The following KSR2 variants were observed in gnomAD, a reference collection of about 807,000 sequenced individuals.
KSR2 encodes the protein kinase suppressor of ras 2.
A neutral mutation model predicts 107.8 loss-of-function variants in KSR2; 25 were observed. The observed-to-expected ratio is 0.23, with a 90% confidence interval of 0.17 to 0.32. The LOEUF (loss-of-function observed/expected upper bound fraction) is 0.32, where lower values mean the gene tolerates loss of function less well. Among genes scored for constraint, KSR2 ranks in the 10% least tolerant of loss-of-function variants. The pLI is 1.00. For missense variants in KSR2, 887 were observed against 1,268.9 expected (o/e 0.70, Z 4.57); for synonymous variants, 480 against 507.0 (o/e 0.95, Z 0.71).
In KSR2 at chr12:117,548,066, C is replaced by T. The variant is rs374237768; in HGVS notation, c.1518+7103G>A. ...AAGCTGAGATTGCGCCACTGCATTC[C>T]AGCCTGGGTGACAGTGAGACTCCAT... On this transcript the variant is annotated intron_variant, in intron 9 of 19. Transcript: ENST00000339824. 2.5e-3 allele frequency among the ~76,000 whole-genome samples: 385 copies of T among 152,052 alleles called. 17 individuals carry two copies. In the South Asian group the frequency reaches 0.078, roughly 31 times the overall value.
chr12:117,661,057 A>C (rs368531390), intron 5 of KSR2, among the ~76,000 whole-genome samples: 2 of 152,240 alleles, frequency 1.3e-5, no homozygotes, highest in Admixed American at 6.5e-5. Flanking sequence ...AACGCCACTT[A>C]ATGTAGGCAT....
chr12:117,497,133 C>A (rs1259947291), intron 14 of KSR2, among the ~76,000 whole-genome samples: 6 of 151,988 alleles, frequency 3.9e-5, no homozygotes, highest in African/African-American at 1.4e-4. Flanking sequence ...CTGCCTTGGC[C>A]TCCTGAAGTG....
chr12:117,711,005 G>C (rs1160605471), intron 4 of KSR2, among the ~76,000 whole-genome samples: 1 of 152,130 alleles, frequency 6.6e-6, no homozygotes, highest in Non-Finnish European at 1.5e-5. Context: ...CACCTAATCA[G>C]AGACACCATC....
At chr12:117,787,146 AG>A (rs1890105465) in intron 3 of KSR2, among the ~76,000 whole-genome samples, 1 of 152,128 alleles carries the variant, frequency 6.6e-6, no homozygotes, top group Non-Finnish European at 1.5e-5. Context: ...CTGTCCACTC[AG>A]CACAAGTTTA....
At chr12:117,931,376 G>C (rs1895690884) in intron 1 of KSR2, among the ~76,000 whole-genome samples, 1 of 152,124 alleles carries the variant, frequency 6.6e-6, no homozygotes, top group African/African-American at 2.4e-5. Flanking sequence ...TTAGGGACCA[G>C]GGCTTCAGAG....
Position 117,761,274 on chromosome 12 carries a change from C to T in KSR2, c.723G>A (p.Leu241=). 2 of 1,525,210 alleles carry T rather than the reference C, an allele frequency of 1.3e-6. No individual in the cohort carries two copies. Among genetic ancestry groups the T allele is most frequent in the Non-Finnish European group, 1.8e-6 (2 of 1,139,830 alleles). 94.5% of individuals were successfully genotyped at this position (1,525,210 alleles called of 1,614,324 possible). The change falls in exon 4 of 20, where the codon CTG becomes CTA. Residue 241 remains leucine, a synonymous_variant. Coordinates refer to ENST00000339824, the MANE Select transcript of KSR2 (RefSeq NM_173598.6). ...AYPGLCPPPP[L]ESGHRSLPPS... The stretch of plus-strand genomic sequence containing the variant: ...GGGGCAGGGAACGGTGGCCCGACTC[C>T]AGTGGCGGGGGCGGGCACAAGCCCG...
intron 5 of KSR2, among the ~76,000 whole-genome samples, chr12:117,653,648 G>T (rs1260317887): frequency 6.6e-6 from 1 of 152,218 alleles, no homozygotes; most frequent in Non-Finnish European, 1.5e-5. Context: ...ATTGCTAGGG[G>T]TCCAGTGGTG....
At chr12:117,646,035 A>G (rs1353395433) in intron 5 of KSR2, among the ~76,000 whole-genome samples, 2 of 152,154 alleles carry the variant, frequency 1.3e-5, no homozygotes, top group African/African-American at 4.8e-5. Flanking sequence ...TAACTTACAC[A>G]AAGCCTCCTG....
chr12:117,952,942 A>C (rs927635108), intron 1 of KSR2, among the ~76,000 whole-genome samples: 1 of 139,272 alleles, frequency 7.2e-6, no homozygotes, highest in Non-Finnish European at 1.5e-5. Context: ...CCAAGATTGC[A>C]CCACTGTACT....
chr12:117,940,584 C>A (rs1036102467), intron 1 of KSR2, among the ~76,000 whole-genome samples: 4 of 152,140 alleles, frequency 2.6e-5, no homozygotes, highest in African/African-American at 9.7e-5. Flanking sequence ...AATGTATAAA[C>A]CTTTTGCCAC....
At chr12:117,926,272 T>A (rs1340305905) in intron 1 of KSR2, among the ~76,000 whole-genome samples, 2 of 152,272 alleles carry the variant, frequency 1.3e-5, no homozygotes, top group Non-Finnish European at 2.9e-5. Flanking sequence ...GTTTTCTACT[T>A]AGTGAACCAT....
At chr12:117,862,007 A>G (rs1376750588) in intron 1 of KSR2, among the ~76,000 whole-genome samples, 1 of 151,764 alleles carries the variant, frequency 6.6e-6, no homozygotes, top group Non-Finnish European at 1.5e-5. Flanking sequence ...GTATTTCTTT[A>G]TATACATTTT....
chr12:117,936,918 G>A (rs1429226953), intron 1 of KSR2, among the ~76,000 whole-genome samples: 1 of 152,168 alleles, frequency 6.6e-6, no homozygotes, highest in Non-Finnish European at 1.5e-5. Flanking sequence ...ACAGAAGGGT[G>A]GTGTCTGGGA....
At position 117,950,042 on chromosome 12, in the gene KSR2, C is replaced by T. The variant is rs565521532; in HGVS notation, c.180+18034G>A. On this transcript the variant is annotated intron_variant, in intron 1 of 19. Transcript: ENST00000339824. ...AGGCTGGAGTGCAATGGGGAGATCT[C>T]GGCTCACTGCAACCTCCGCCTCCTG... is the stretch of plus-strand genomic sequence containing the variant. Among the ~76,000 whole-genome samples, 175 of 151,638 alleles carry T rather than the reference C, an allele frequency of 1.2e-3. 2 individuals carry two copies. The highest frequency in any genetic ancestry group is 3.7e-3 in the African/African-American group (154 of 41,326).
At chr12:117,557,770 C>T (rs1877810139) in intron 8 of KSR2, among the ~76,000 whole-genome samples, 1 of 152,026 alleles carries the variant, frequency 6.6e-6, no homozygotes, top group Non-Finnish European at 1.5e-5. Context: ...TCCAGAAAGT[C>T]CCTCGGAGAT....
chr12:117,536,272 A>G (rs1159615390), intron 10 of KSR2, among the ~76,000 whole-genome samples: 2 of 152,202 alleles, frequency 1.3e-5, no homozygotes, highest in Non-Finnish European at 2.9e-5. Flanking sequence ...TTTTTCATCA[A>G]CAGAAGCTCC....
intron 1 of KSR2, among the ~76,000 whole-genome samples, chr12:117,928,786 A>G (rs1895612517): frequency 6.6e-6 from 1 of 152,212 alleles, no homozygotes; most frequent in Admixed American, 6.5e-5. Context: ...TTTACAAGCC[A>G]GGCACTTGAA....
chr12:117,732,421 T>C (rs983965072), intron 4 of KSR2, among the ~76,000 whole-genome samples: 24 of 152,188 alleles, frequency 1.6e-4, no homozygotes, highest in Admixed American at 1.2e-3. Context: ...CCCGAGTAGC[T>C]GGGACTACAG....
chr12:117,899,663 A>G (rs1278909872), intron 1 of KSR2, among the ~76,000 whole-genome samples: 1 of 152,182 alleles, frequency 6.6e-6, no homozygotes, highest in Non-Finnish European at 1.5e-5. Flanking sequence ...TTGTCCTTGT[A>G]TGACCCCAAC....
Sources: allele counts gnomAD v4.1 joint callset (sites outside exome capture counted in the v4.1 genomes callset), GRCh38; gene constraint gnomAD v4.1.1; transcripts MANE v1.5; gene names NCBI Gene and HGNC (gene_info 2026-07-23, HGNC 2026-07-21).